L2HGDH: variants seen among roughly 807,000 people sequenced by gnomAD.
L2HGDH encodes L-2-hydroxyglutarate dehydrogenase, mitochondrial.
L2HGDH carries 34 observed loss-of-function variants against 51.5 expected under a neutral mutation model. That is an observed-to-expected ratio of 0.66 (90% CI 0.50 to 0.88). L2HGDH has a LOEUF of 0.88. L2HGDH is among the 40% of genes least tolerant of loss of function. The pLI is 0.00. For missense variants in L2HGDH, 558 were observed against 571.9 expected, an observed-to-expected ratio of 0.98 and a Z score of 0.25; for synonymous variants, 198 against 197.9, an observed-to-expected ratio of 1.00 and a Z score of -0.01.
At chr14:50,307,591 T>C (rs984587041) in intron 1 of L2HGDH, among the ~76,000 whole-genome samples, 1 of 152,202 alleles carries the variant, frequency 6.6e-6, no homozygotes, top group Non-Finnish European at 1.5e-5. Flanking sequence ...GAAAAGTTCA[T>C]ACCTACACAA....
chr14:50,247,179 C>T lies in L2HGDH; in HGVS notation c.1271G>A (p.Gly424Glu), dbSNP rs1888055214. ...AATGCGATTTCCAATATCCCCAACTCCTGCATCAAATACAAAATCTTCTAC... is the reference window on the plus strand; with the variant it reads ...AATGCGATTTCCAATATCCCCAACTTCTGCATCAAATACAAAATCTTCTAC... ...NLVEDFVFDA[G>E]VGDIGNRILH... The change falls in exon 10 of 10, where the codon GGA becomes GAA. Residue 424 changes from glycine to glutamate, a missense_variant. Gly to Glu is a moderately conservative substitution (Grantham distance 98). This residue lies in a region of L2HGDH where 321 missense variants were observed against 311.8 expected (regional missense o/e 1.03). Transcript: ENST00000267436. 6.2e-7 allele frequency: 1 copy of T among 1,614,170 alleles called. No individual in the cohort carries two copies. Among genetic ancestry groups the T allele is most frequent in the Admixed American group, 1.7e-5 (1 of 60,000 alleles).
chr14:50,301,582 T>C (rs912982836), intron 3 of L2HGDH, among the ~76,000 whole-genome samples: 2 of 152,298 alleles, frequency 1.3e-5, no homozygotes, highest in East Asian at 3.9e-4. Context: ...GACTACATAG[T>C]ATATGAATCT....
At chr14:50,307,486 C>T (rs1267424001) in intron 1 of L2HGDH, among the ~76,000 whole-genome samples, 1 of 152,192 alleles carries the variant, frequency 6.6e-6, no homozygotes. Flanking sequence ...AAGCTAACCA[C>T]GGAGGCTGAA....
At chr14:50,278,043 C>A (rs887153581) in intron 6 of L2HGDH, among the ~76,000 whole-genome samples, 2 of 152,120 alleles carry the variant, frequency 1.3e-5, no homozygotes, top group Non-Finnish European at 2.9e-5. Flanking sequence ...CTATAGCACT[C>A]ATTAATGACT....
chr14:50,309,478 C>G (rs2030922593), intron 1 of L2HGDH, among the ~76,000 whole-genome samples: 1 of 151,920 alleles, frequency 6.6e-6, no homozygotes, highest in African/African-American at 2.4e-5. Context: ...AGGAGAATCC[C>G]TTCAACCTAG....
intron 4 of L2HGDH, among the ~76,000 whole-genome samples, chr14:50,293,876 C>A (rs2029885543): frequency 6.6e-6 from 1 of 152,176 alleles, no homozygotes; most frequent in African/African-American, 2.4e-5. Context: ...CCAAACATGC[C>A]ATGTGGTCTC....
In L2HGDH at chr14:50,296,535, T is replaced by C. The variant is rs1340731656; in HGVS notation, c.409-2289A>G. ...AAAGACACAAACTTCTGAAACGGAT[T>C]TGAGAAGAAAAACTTAATAAACCTA... is the stretch of plus-strand genomic sequence containing the variant. On this transcript the variant is annotated intron_variant, in intron 3 of 9. Transcript: ENST00000267436. Among the ~76,000 whole-genome samples the C allele has an allele frequency of 2.6e-5, 4 of 151,082 alleles. No homozygotes were observed. The East Asian group carries it at 7.7e-4, about 29-fold the overall frequency.
In L2HGDH at chr14:50,265,339, C is replaced by A; in HGVS notation, c.1196+19G>T. The A allele has an allele frequency of 6.2e-7, 1 of 1,604,478 alleles. No individual in the cohort carries two copies. The highest frequency in any genetic ancestry group is 8.5e-7 in the Non-Finnish European group (1 of 1,171,588). ...CATAGGTCAGGACTGTATTTACACT[C>A]CTTATCCCTTTTCCTTACCTAAGTA... On this transcript the variant is annotated intron_variant, in intron 9 of 9. Transcript: ENST00000267436.
At position 50,242,905 on chromosome 14, in the gene L2HGDH, A is replaced by G. The variant is rs1887857222; in HGVS notation, c.*4153T>C. On this transcript the variant is annotated 3_prime_UTR_variant, in exon 10 of 10. Coordinates refer to ENST00000267436, the MANE Select transcript of L2HGDH (RefSeq NM_024884.3). The stretch of plus-strand genomic sequence containing the variant: ...CCAGTCCTTAAACAATATAGACACC[A>G]TGTCTCCTGTGTTTACAGGGATAGC... 1 of 985,408 alleles carries G rather than the reference A, an allele frequency of 1.0e-6. No homozygotes were observed. The highest frequency in any genetic ancestry group is 1.2e-6 in the Non-Finnish European group (1 of 829,934). 61.0% of individuals were successfully genotyped at this position (985,408 alleles called of 1,614,324 possible). A position where few individuals can be genotyped will look rare whatever the true frequency, so the allele number is the denominator to read the frequency against.
chr14:50,271,725 AAAG>A (rs901379954), intron 6 of L2HGDH, among the ~76,000 whole-genome samples: 2 of 152,132 alleles, frequency 1.3e-5, no homozygotes, highest in Non-Finnish European at 2.9e-5. Context: ...AAATAAATAA[AAAG>A]AAGACAAAGA....
At chr14:50,275,926 G>C (rs757113185) in intron 6 of L2HGDH, among the ~76,000 whole-genome samples, 5 of 152,140 alleles carry the variant, frequency 3.3e-5, no homozygotes, top group Non-Finnish European at 7.3e-5. Flanking sequence ...ACTTCCATTA[G>C]AGAATGACAG....
chr14:50,245,396 A>G lies in L2HGDH; in HGVS notation c.*1662T>C, dbSNP rs915668105. 2 of 985,320 alleles carry G rather than the reference A, an allele frequency of 2.0e-6. No homozygotes were observed. Among genetic ancestry groups the G allele is most frequent in the African/African-American group, 1.7e-5 (1 of 57,254 alleles). The allele number at this position is 985,320 out of a possible 1,614,324, so 61.0% of individuals were successfully genotyped here. On this transcript the variant is annotated 3_prime_UTR_variant, in exon 10 of 10. Coordinates refer to ENST00000267436, the MANE Select transcript of L2HGDH (RefSeq NM_024884.3). ...GCCACAGAGATTGAAGAACAGGACA[A>G]CCACTCAGTGTACCACTGTTTAGAT...
At chr14:50,308,691 G>C (rs1021642179) in intron 1 of L2HGDH, among the ~76,000 whole-genome samples, 1 of 152,200 alleles carries the variant, frequency 6.6e-6, no homozygotes, top group Admixed American at 6.5e-5. Context: ...CTGGAAAAGA[G>C]TATGGCAGTT....
At chr14:50,260,380 T>C (rs571615069) in intron 9 of L2HGDH, among the ~76,000 whole-genome samples, 48 of 152,312 alleles carry the variant, frequency 3.2e-4, no homozygotes, top group African/African-American at 1.1e-3. Flanking sequence ...ATGTCCTATA[T>C]CTTGTTCTGA....
At chr14:50,280,765 T>G (rs1566523042) in intron 5 of L2HGDH, among the ~76,000 whole-genome samples, 2 of 151,950 alleles carry the variant, frequency 1.3e-5, no homozygotes, top group East Asian at 3.9e-4. Context: ...CCACCCACCT[T>G]GGCCTCCCAA....
chr14:50,272,381 A>G (rs1208508241), intron 6 of L2HGDH, among the ~76,000 whole-genome samples: 1 of 152,188 alleles, frequency 6.6e-6, no homozygotes, highest in African/African-American at 2.4e-5. Context: ...CAGATTTTCA[A>G]TTCTTCTTTG....
In L2HGDH at chr14:50,295,500, G is replaced by A. The variant is rs570446651; in HGVS notation, c.409-1254C>T. On this transcript the variant is annotated intron_variant, in intron 3 of 9. Coordinates refer to ENST00000267436, the MANE Select transcript of L2HGDH (RefSeq NM_024884.3). ...TGACTCCCTGCAGCCTCGACTTCCC[G>A]AGCTCAGGTGATTCTCCCACCTCGG... Among the ~76,000 whole-genome samples the A allele has an allele frequency of 1.6e-3, 239 of 151,374 alleles. 1 individual carries two copies. In the South Asian group the frequency reaches 0.029, roughly 18 times the overall value.
rs1566548244 is a variant in L2HGDH at position 50,312,217 on chromosome 14, C to G, written c.-67G>C. 6.3e-7 allele frequency: 1 copy of G among 1,584,652 alleles called. No individual in the cohort carries two copies. Among genetic ancestry groups the G allele is most frequent in the South Asian group, 1.1e-5 (1 of 88,292 alleles). ...ACTTGACCCTCCACGGCCGAGGACC[C>G]GCGCTCTTTAGCCCCGCCCCTCACG... On this transcript the variant is annotated 5_prime_UTR_variant, in exon 1 of 10. Coordinates refer to ENST00000267436, the MANE Select transcript of L2HGDH (RefSeq NM_024884.3).
intron 1 of L2HGDH, among the ~76,000 whole-genome samples, chr14:50,306,577 T>TG (rs1566542484): frequency 2.1e-5 from 3 of 141,490 alleles, no homozygotes; most frequent in Admixed American, 7.2e-5. Flanking sequence ...TTTGTTTTTT[T>TG]TGGGGGGTTT....
Sources: gnomAD v4.1 joint callset for allele counts (sites outside exome capture counted in the v4.1 genomes callset) on GRCh38, gnomAD v4.1.1 for gene constraint, gnomAD v4.1.1 regional missense constraint, MANE v1.5 for transcripts, NCBI Gene and HGNC (gene_info 2026-07-23, HGNC 2026-07-21) for gene names.